Variants in FAR1 observed in about 807,000 individuals in gnomAD.
The protein encoded by FAR1 is fatty acyl-CoA reductase 1.
In FAR1, 22 loss-of-function variants were observed where a neutral mutation model predicts 61.1. The ratio of observed to expected loss-of-function variants is 0.36; its 90% CI spans 0.26 to 0.51. The LOEUF is 0.51. Ranked by LOEUF, FAR1 falls within the 20% of genes least tolerant of loss-of-function variation. The pLI, the probability that FAR1 is intolerant of heterozygous loss-of-function variation, is 0.95. For missense variants in FAR1, 359 were observed against 626.9 expected (o/e 0.57, Z 4.56); for synonymous variants, 206 against 209.7 (o/e 0.98, Z 0.15).
At chr11:13,708,548 ATAAATGT>A (rs1565348288) in intron 4 of FAR1, among the ~76,000 whole-genome samples, 1 of 152,116 alleles carries the variant, frequency 6.6e-6, no homozygotes, top group Non-Finnish European at 1.5e-5. Flanking sequence ...TAATATCTAA[ATAAATGT>A]TAATGAAGTC....
In FAR1 at chr11:13,722,843, CCT is replaced by C. The variant is rs140943706; in HGVS notation, c.1257+999_1257+1000del. On this transcript the variant is annotated intron_variant, in intron 10 of 11. Transcript: ENST00000354817. Reference sequence around the variant, plus strand: ...CATTTAGTTTTTATTTAGATTTCTCCCTCTCTCTCTCTCTCTATATATATATA... The same window carrying C: ...CATTTAGTTTTTATTTAGATTTCTCCCTCTCTCTCTCTCTATATATATATA... Among the ~76,000 whole-genome samples, 313 of 143,132 alleles carry C rather than the reference CCT, an allele frequency of 2.2e-3. 2 individuals are homozygous for C. Among genetic ancestry groups the C allele is most frequent in the African/African-American group, 7.1e-3 (280 of 39,266 alleles). The allele number at this position is 143,132 out of a possible 152,430, so 93.9% of individuals were successfully genotyped here. A position where few individuals can be genotyped will look rare whatever the true frequency, so the allele number is the denominator to read the frequency against.
At chr11:13,711,433 G>A (rs1848497755) in intron 5 of FAR1, among the ~76,000 whole-genome samples, 1 of 152,116 alleles carries the variant, frequency 6.6e-6, no homozygotes, top group South Asian at 2.1e-4. Context: ...TATTGAATTA[G>A]TAAATAGCAT....
In FAR1 at chr11:13,731,206, C is replaced by G. The variant is rs995562588; in HGVS notation, c.*2432C>G. 1.3e-5 allele frequency: 2 copies of G among 152,506 alleles called. No individual in the cohort carries two copies. The highest frequency in any genetic ancestry group is 2.9e-5 in the Non-Finnish European group (2 of 68,002). 9.4% of individuals were successfully genotyped at this position (152,506 alleles called of 1,614,324 possible). The stretch of plus-strand genomic sequence containing the variant: ...GAGACTATATTTATATTTGACTTGG[C>G]AACATTAACATGTCCTAAGACTTAG... On this transcript the variant is annotated 3_prime_UTR_variant, in exon 12 of 12. Coordinates refer to ENST00000354817, the MANE Select transcript of FAR1 (RefSeq NM_032228.6).
chr11:13,690,937 C>G (rs1018210628), intron 1 of FAR1, among the ~76,000 whole-genome samples: 2 of 152,098 alleles, frequency 1.3e-5, no homozygotes, highest in Admixed American at 6.5e-5. Context: ...CTATCCTTTT[C>G]CAATTCTTGA....
intron 1 of FAR1, among the ~76,000 whole-genome samples, chr11:13,688,618 T>C (rs1467637811): frequency 6.6e-6 from 1 of 152,210 alleles, no homozygotes; most frequent in Non-Finnish European, 1.5e-5. Context: ...TGGTACCTAG[T>C]AGGCCCTTAA....
intron 10 of FAR1, among the ~76,000 whole-genome samples, chr11:13,723,796 C>CA (rs1309052458): frequency 2.0e-5 from 3 of 152,116 alleles, no homozygotes; most frequent in Non-Finnish European, 4.4e-5. Context: ...GACAGTCTGC[C>CA]AGCTGTGTCT....
intron 3 of FAR1, among the ~76,000 whole-genome samples, chr11:13,701,063 A>T (rs944197705): frequency 6.6e-6 from 1 of 152,064 alleles, no homozygotes; most frequent in Admixed American, 6.5e-5. Flanking sequence ...CACTATTCTT[A>T]AAAAAATCTA....
chr11:13,689,298 C>T (rs1281820758), intron 1 of FAR1, among the ~76,000 whole-genome samples: 1 of 152,164 alleles, frequency 6.6e-6, no homozygotes, highest in Non-Finnish European at 1.5e-5. Context: ...CCAGAAGTCT[C>T]CTTCATGTTA....
intron 1 of FAR1, among the ~76,000 whole-genome samples, chr11:13,679,786 G>A (rs1319260783): frequency 1.3e-5 from 2 of 152,088 alleles, no homozygotes; most frequent in African/African-American, 4.8e-5. Flanking sequence ...TTTTCTCAGT[G>A]TGTAACATTT....
rs151088554 is a variant in FAR1 at position 13,691,875 on chromosome 11, T to G, written c.-7-2884T>G. On this transcript the variant is annotated intron_variant, in intron 1 of 11. Coordinates refer to ENST00000354817, the MANE Select transcript of FAR1 (RefSeq NM_032228.6). ...TCTGAAATTCAGAATGCTCCAAAAT[T>G]CAAAACTTTTGACCGGGTGTGGTGG... Among the ~76,000 whole-genome samples the G allele has an allele frequency of 1.1e-3, 166 of 152,218 alleles. 1 individual carries two copies. Among genetic ancestry groups the G allele is most frequent in the Non-Finnish European group, 1.6e-3 (112 of 67,990 alleles).
In FAR1 at chr11:13,728,850, C is replaced by G. The variant is rs1591275199; in HGVS notation, c.*76C>G. The stretch of plus-strand genomic sequence containing the variant: ...ACAAAATGTAAAATGTATAAGTCAT[C>G]TCACTTTTTGTCAAGACATTAAACC... On this transcript the variant is annotated 3_prime_UTR_variant, in exon 12 of 12. Coordinates refer to ENST00000354817, the MANE Select transcript of FAR1 (RefSeq NM_032228.6). 17 of 1,386,022 alleles carry G rather than the reference C, an allele frequency of 1.2e-5. 1 individual carries two copies. In the East Asian group the frequency reaches 3.9e-4, roughly 32 times the overall value. The allele number at this position is 1,386,022 out of a possible 1,614,324, so 85.9% of individuals were successfully genotyped here.
chr11:13,710,594 G>A, intron 4 of FAR1, 99 bp from the exon 5 acceptor site: 1 of 1,023,450 alleles, frequency 9.8e-7, no homozygotes, highest in Non-Finnish European at 1.4e-6. Context: ...ATTTGAGTCA[G>A]AACAGCAGAT....
At chr11:13,728,411 G>A (rs1848687849) in intron 11 of FAR1, among the ~76,000 whole-genome samples, 1 of 151,854 alleles carries the variant, frequency 6.6e-6, no homozygotes, top group Admixed American at 6.6e-5. Context: ...TGTAATGAAT[G>A]AACCTTTTTA....
At chr11:13,689,967 C>T (rs1848230913) in intron 1 of FAR1, among the ~76,000 whole-genome samples, 1 of 151,570 alleles carries the variant, frequency 6.6e-6, no homozygotes, top group African/African-American at 2.4e-5. Context: ...CCTCCGTATC[C>T]CGGGCTCAAG....
rs775487201 is a variant in FAR1, at chr11:13,714,627, G to A, written c.1074G>A (p.Lys358=). ...LYHYWIAVSH[K]APAFLYDIYL... is the part of the protein sequence containing the mutation. ...ATTACTGGATTGCTGTAAGCCATAAGGCCCCAGCATTCCTGTATGATATCT... is the reference window on the plus strand; with the variant it reads ...ATTACTGGATTGCTGTAAGCCATAAAGCCCCAGCATTCCTGTATGATATCT... The change falls in exon 9 of 12, where the codon AAG becomes AAA. Residue 358 remains lysine (K), a synonymous_variant. Transcript: ENST00000354817. 3 of 1,613,392 alleles carry A rather than the reference G, an allele frequency of 1.9e-6. No homozygotes were observed. Among genetic ancestry groups the A allele is most frequent in the Non-Finnish European group, 2.5e-6 (3 of 1,179,624 alleles).
intron 2 of FAR1, among the ~76,000 whole-genome samples, chr11:13,695,862 A>C (rs546174768): frequency 1.3e-5 from 2 of 152,320 alleles, no homozygotes; most frequent in African/African-American, 4.8e-5. Flanking sequence ...TGCAACAGAT[A>C]TTCCTCATTA....
chr11:13,676,459 G>A (rs1465515375), intron 1 of FAR1, among the ~76,000 whole-genome samples: 2 of 152,058 alleles, frequency 1.3e-5, no homozygotes, highest in East Asian at 3.9e-4. Flanking sequence ...GAAAGGATCT[G>A]CTAAAGTATT....
chr11:13,716,840 G>A (rs1848562620), intron 9 of FAR1, among the ~76,000 whole-genome samples: 1 of 151,910 alleles, frequency 6.6e-6, no homozygotes, highest in Non-Finnish European at 1.5e-5. Context: ...TGTGCACAAC[G>A]TGCAGATTTG....
chr11:13,696,185 T>G (rs903949049), intron 2 of FAR1, among the ~76,000 whole-genome samples: 11 of 152,176 alleles, frequency 7.2e-5, no homozygotes, highest in Non-Finnish European at 4.4e-5. Flanking sequence ...ATTGGTATGT[T>G]TTAATTTTTC....
Sources: gnomAD v4.1 joint callset for allele counts (sites outside exome capture counted in the v4.1 genomes callset) on GRCh38, gnomAD v4.1.1 for gene constraint, MANE v1.5 for transcripts, NCBI Gene and HGNC (gene_info 2026-07-23, HGNC 2026-07-21) for gene names.